Variants in NLRP2 observed in about 807,000 individuals in gnomAD.
The protein encoded by NLRP2 is NLR family pyrin domain containing 2, also known as NACHT, LRR and PYD domains-containing protein 2.
Under a neutral mutation model 97.2 loss-of-function variants are expected in NLRP2, and 107 were observed. The ratio of observed to expected loss-of-function variants is 1.10; its 90% CI spans 0.94 to 1.29. NLRP2 has a LOEUF of 1.29. NLRP2 is among the 50% of genes most tolerant of loss of function. The pLI, the probability that NLRP2 is intolerant of heterozygous loss-of-function variation, is 0.00. For synonymous variants in NLRP2, 663 were observed against 551.5 expected (o/e 1.20, Z -2.83); for missense variants, 1,495 against 1,330.3 (o/e 1.12, Z -1.93).
At chr19:54,968,868 A>T (rs1205859094) in intron 1 of NLRP2, among the ~76,000 whole-genome samples, 20 of 151,140 alleles carry the variant, frequency 1.3e-4, no homozygotes, top group Admixed American at 1.3e-3. Flanking sequence ...CGCCCGGCTA[A>T]TTTTTTGTAT....
intron 8 of NLRP2, among the ~76,000 whole-genome samples, chr19:54,987,128 A>ACCCCCC (rs763390795): frequency 1.4e-5 from 2 of 138,656 alleles, no homozygotes; most frequent in Non-Finnish European, 3.1e-5. Context: ...CAGGTGATCT[A>ACCCCCC]CCCCCCCACC....
rs368891822 is a variant in NLRP2 at position 54,981,524 on chromosome 19, C to CG, written c.398-92dup. On this transcript the variant is annotated intron_variant, in intron 4 of 12. Coordinates refer to ENST00000448584, the MANE Select transcript of NLRP2 (RefSeq NM_017852.5). The stretch of plus-strand genomic sequence containing the variant: ...CTGATCCCGTGCCCCCCCTCCCCCC[C>CG]GCCCCATCAGCCTGCCTCCTTTTCT... The CG allele has an allele frequency of 6.8e-4, 308 of 449,838 alleles. 1 individual carries two copies. The highest frequency in any genetic ancestry group is 3.2e-3 in the South Asian group (190 of 58,560). The allele number at this position is 449,838 out of a possible 1,614,324, so 27.9% of individuals were successfully genotyped here.
intron 10 of NLRP2, chr19:54,993,839 TTTTA>T (rs1461873179): frequency 1.7e-5 from 5 of 292,680 alleles, no homozygotes; most frequent in Admixed American, 4.8e-5. Flanking sequence ...TGAGAATCCT[TTTTA>T]CTTCTCCAAC....
intron 12 of NLRP2, among the ~76,000 whole-genome samples, 172 bp from the exon 13 acceptor site, chr19:55,000,588 C>CT (rs201324469): frequency 2.3e-5 from 3 of 130,476 alleles, no homozygotes; most frequent in East Asian, 2.2e-4. Context: ...CTGAGACTGT[C>CT]TTTTAAAAAA....
intron 1 of NLRP2, among the ~76,000 whole-genome samples, chr19:54,969,072 C>T (rs892492401): frequency 6.6e-6 from 1 of 152,094 alleles, no homozygotes; most frequent in Admixed American, 6.6e-5. Context: ...CACGTAGCTC[C>T]CCACTTCCTT....
At chr19:55,000,588 CTT>C (rs201324469) in intron 12 of NLRP2, among the ~76,000 whole-genome samples, 170 bp from the exon 13 acceptor site, 1 of 130,428 alleles carries the variant, frequency 7.7e-6, no homozygotes, top group African/African-American at 3.0e-5. Context: ...CTGAGACTGT[CTT>C]TTAAAAAAAA....
rs772675484 is a variant in NLRP2, at chr19:54,983,031, G to C, written c.1333G>C (p.Gly445Arg). The C allele has an allele frequency of 2.9e-5, 47 of 1,610,640 alleles. No homozygotes were observed. In the African/African-American group the frequency reaches 5.5e-4, roughly 19 times the overall value. ...GTTCCCGCAGGGCGCACAGCTGCGG[G>C]GCGCGCTGCGGACGCTGAGCCTCCT... ...SRFPQGAQLRGALRTLSLLAA... is the reference protein window; with the variant it reads ...SRFPQGAQLRRALRTLSLLAA... Residue 445 changes from glycine to arginine, a missense_variant, in exon 6 of 13, where the codon GGC becomes CGC. Physicochemically the swap from Gly to Arg is moderately radical, Grantham distance 125. Transcript: ENST00000448584.
At chr19:54,967,023 T>C (rs865790988) in intron 1 of NLRP2, among the ~76,000 whole-genome samples, 7 of 151,636 alleles carry the variant, frequency 4.6e-5, no homozygotes, top group South Asian at 2.1e-4. Flanking sequence ...ATAATATTAT[T>C]ATTACCACTG....
chr19:54,990,897 C>T lies in NLRP2; in HGVS notation c.2708+225C>T, dbSNP rs570863357. 40 of 556,648 alleles carry T rather than the reference C, an allele frequency of 7.2e-5. 3 individuals are homozygous for T. Among genetic ancestry groups the T allele is most frequent in the South Asian group, 4.7e-4 (22 of 46,502 alleles). 34.5% of individuals were successfully genotyped at this position (556,648 alleles called of 1,614,324 possible). A position where few individuals can be genotyped will look rare whatever the true frequency, so the allele number is the denominator to read the frequency against. The stretch of plus-strand genomic sequence containing the variant: ...GGATTTGGGGAATGTAGCTGGTTTT[C>T]GGGTTTTTTTTTTCCTCTTTATGTA... On this transcript the variant is annotated intron_variant, in intron 10 of 12. Coordinates refer to ENST00000448584, the MANE Select transcript of NLRP2 (RefSeq NM_017852.5).
Position 54,990,144 on chromosome 19 carries a change from T to C in NLRP2, c.2489T>C (p.Leu830Ser). The change falls in exon 9 of 13, where the codon TTG becomes TCG. Residue 830 changes from leucine (L) to serine (S), a missense_variant. Transcript: ENST00000448584. ...DNELLDEGAKLLYTTLRHPKC... is the reference protein window; with the variant it reads ...DNELLDEGAKSLYTTLRHPKC... Reference sequence around the variant, plus strand: ...GAGCTTCTGGATGAGGGTGCTAAGTTGCTGTACACAACTTTGAGACACCCC... The same window carrying C: ...GAGCTTCTGGATGAGGGTGCTAAGTCGCTGTACACAACTTTGAGACACCCC... 1 of 1,614,156 alleles carries C rather than the reference T, an allele frequency of 6.2e-7. No individual in the cohort carries two copies. The highest frequency in any genetic ancestry group is 8.5e-7 in the Non-Finnish European group (1 of 1,180,028).
chr19:54,986,097 A>T, intron 7 of NLRP2, 54 bp from the exon 8 acceptor site: 1 of 1,183,524 alleles, frequency 8.4e-7, no homozygotes, highest in Non-Finnish European at 1.3e-6. Context: ...TTTCCATTTA[A>T]GTACGATACA....
At chr19:54,977,220 G>A (rs1347650015) in intron 3 of NLRP2, among the ~76,000 whole-genome samples, 1 of 151,996 alleles carries the variant, frequency 6.6e-6, no homozygotes, top group Admixed American at 6.6e-5. Context: ...TTGGGAGTTC[G>A]AGACCAGCCT....
chr19:54,984,329 G>GTGTGTTGT, intron 6 of NLRP2, among the ~76,000 whole-genome samples: 1 of 79,670 alleles, frequency 1.3e-5, no homozygotes, highest in Non-Finnish European at 2.5e-5. Context: ...TTTTTTTTGT[G>GTGTGTTGT]TTTTTTTTTT....
rs1299486616 is a variant in NLRP2, at chr19:54,998,086, GT to G, written c.3050+601del. Among the ~76,000 whole-genome samples the G allele has an allele frequency of 1.4e-3, 212 of 148,174 alleles. 1 individual carries two copies. The highest frequency in any genetic ancestry group is 5.0e-3 in the African/African-American group (202 of 40,010). ...CTGTTGCCCAGGCTGGGGTGCAGTG[GT>G]TGCTAACTGCAACCTCCACCTCCCA... is the stretch of plus-strand genomic sequence containing the variant. On this transcript the variant is annotated intron_variant, in intron 12 of 12. Coordinates refer to ENST00000448584, the MANE Select transcript of NLRP2 (RefSeq NM_017852.5).
At position 54,990,040 on chromosome 19, in the gene NLRP2, T is replaced by C. The variant is rs773280098; in HGVS notation, c.2385T>C (p.Ala795=). 4 of 1,613,686 alleles carry C rather than the reference T, an allele frequency of 2.5e-6. No homozygotes were observed. The South Asian group carries it at 4.4e-5, about 18-fold the overall frequency. Reference sequence around the variant, plus strand: ...CCCACAGGTTGGTGTCTTGTTCCGCTACCACTCAGCAGTGGGCTGATCTCT... The same window carrying C: ...CCCACAGGTTGGTGTCTTGTTCCGCCACCACTCAGCAGTGGGCTGATCTCT... ...LRYLGLVSCS[A]TTQQWADLSL... Residue 795 remains alanine (A), a synonymous_variant, in exon 9 of 13, where the codon GCT becomes GCC. Coordinates refer to ENST00000448584, the MANE Select transcript of NLRP2 (RefSeq NM_017852.5).
rs770874757 is a variant in NLRP2 at position 55,000,907 on chromosome 19, G to A, written c.*9G>A. The A allele has an allele frequency of 1.5e-5, 25 of 1,613,168 alleles. No individual in the cohort carries two copies. The highest frequency in any genetic ancestry group is 5.5e-5 in the South Asian group (5 of 91,064). On this transcript the variant is annotated 3_prime_UTR_variant, in exon 13 of 13. Transcript: ENST00000448584. The stretch of plus-strand genomic sequence containing the variant: ...ATGACTTCATGATCTGAATCCCCCC[G>A]AGTCATTCATTCTCCATGAAGTCAT...
At chr19:54,974,648 C>T (rs771152183) in intron 3 of NLRP2, 104 bp downstream of exon 3, 28 of 876,434 alleles carry the variant, frequency 3.2e-5, no homozygotes, top group Middle Eastern at 2.2e-4. Context: ...AAAGAAATGC[C>T]GGACTTAGCA....
intron 10 of NLRP2, chr19:54,993,490 T>C (rs2072620842): frequency 6.5e-6 from 1 of 153,240 alleles, no homozygotes; most frequent in African/African-American, 2.4e-5. Context: ...TTGGTTAATA[T>C]CTAGGATCCT....
Position 54,983,634 on chromosome 19 carries a change from C to T in NLRP2, c.1936C>T (p.His646Tyr), listed in dbSNP as rs1262098250. 6.2e-7 allele frequency: 1 copy of T among 1,614,068 alleles called. No individual in the cohort carries two copies. Among genetic ancestry groups the T allele is most frequent in the African/African-American group, 1.3e-5 (1 of 74,934 alleles). Residue 646 changes from histidine (H) to tyrosine (Y), a missense_variant, in exon 6 of 13, where the codon CAC (histidine) becomes TAC (tyrosine). Physicochemically the swap from His to Tyr is moderately conservative, Grantham distance 83. Coordinates refer to ENST00000448584, the MANE Select transcript of NLRP2 (RefSeq NM_017852.5). Reference protein sequence around the residue: ...DVVPSSFCVKHCRNLQKMSLQ... With the variant: ...DVVPSSFCVKYCRNLQKMSLQ... ...TGTGCCATCTTCATTCTGCGTCAAG[C>T]ACTGTCGAAACCTGCAGAAAATGTC...
Sources: allele counts gnomAD v4.1 joint callset (sites outside exome capture counted in the v4.1 genomes callset), GRCh38; gene constraint gnomAD v4.1.1; transcripts MANE v1.5; gene names NCBI Gene and HGNC (gene_info 2026-07-23, HGNC 2026-07-21).